Variants in SLC17A6 observed in about 807,000 individuals in gnomAD.
SLC17A6 encodes the protein vesicular glutamate transporter 2.
SLC17A6 carries 35 observed loss-of-function variants against 67.1 expected under a neutral mutation model. That is an observed-to-expected ratio of 0.52 (90% CI 0.40 to 0.69). The LOEUF is 0.69. SLC17A6 is among the 30% of genes least tolerant of loss of function. The probability of loss-of-function intolerance (pLI) is 0.00; values close to 1 mark genes in which losing one functional copy is unlikely to be tolerated. For synonymous variants in SLC17A6, 285 were observed against 252.3 expected (o/e 1.13, Z -1.23); for missense variants, 588 against 723.9 (o/e 0.81, Z 2.15).
chr11:22,354,120 G>T (rs1323011692), intron 3 of SLC17A6, among the ~76,000 whole-genome samples: 1 of 150,642 alleles, frequency 6.6e-6, no homozygotes, highest in Non-Finnish European at 1.5e-5. Flanking sequence ...TTTTGCTCTT[G>T]TTGCCCAGGC....
At chr11:22,355,696 G>A (rs905619207) in intron 3 of SLC17A6, among the ~76,000 whole-genome samples, 1 of 152,104 alleles carries the variant, frequency 6.6e-6, no homozygotes, top group African/African-American at 2.4e-5. Flanking sequence ...CTTCTCCTAA[G>A]AACCTGAGCC....
intron 1 of SLC17A6, among the ~76,000 whole-genome samples, chr11:22,339,545 T>C (rs905060153): frequency 9.2e-5 from 14 of 152,192 alleles, no homozygotes; most frequent in African/African-American, 3.4e-4. Flanking sequence ...TTTAAATCAT[T>C]TCAAGTATGT....
At chr11:22,344,857 T>C (rs1231767104) in intron 3 of SLC17A6, among the ~76,000 whole-genome samples, 2 of 152,208 alleles carry the variant, frequency 1.3e-5, no homozygotes, top group African/African-American at 4.8e-5. Flanking sequence ...TTTTGGTTTT[T>C]AGATCCCCAA....
At chr11:22,362,251 A>T (rs1359320644) in intron 5 of SLC17A6, 3 of 474,722 alleles carry the variant, frequency 6.3e-6, no homozygotes, top group Non-Finnish European at 8.2e-6. Flanking sequence ...TTGAGAACTG[A>T]AGCAATATGC....
chr11:22,340,334 T>C (rs1389951853), intron 1 of SLC17A6, among the ~76,000 whole-genome samples: 2 of 152,258 alleles, frequency 1.3e-5, no homozygotes, highest in East Asian at 3.8e-4. Context: ...ACCTTATACA[T>C]TCCTTTTGTT....
At chr11:22,344,026 A>G (rs1405792684) in intron 3 of SLC17A6, among the ~76,000 whole-genome samples, 1 of 152,056 alleles carries the variant, frequency 6.6e-6, no homozygotes, top group African/African-American at 2.4e-5. Flanking sequence ...ACCTGGAGAG[A>G]CACCCCTAAA....
At position 22,379,217 on chromosome 11, in the gene SLC17A6, A is replaced by T. The variant is rs1320037155; in HGVS notation, c.*1477A>T. The T allele has an allele frequency of 6.6e-6, 1 of 152,556 alleles. No homozygotes were observed. Among genetic ancestry groups the T allele is most frequent in the East Asian group, 1.9e-4 (1 of 5,192 alleles). The allele number at this position is 152,556 out of a possible 1,614,324, so 9.5% of individuals were successfully genotyped here. On this transcript the variant is annotated 3_prime_UTR_variant, in exon 12 of 12. Transcript: ENST00000263160. The stretch of plus-strand genomic sequence containing the variant: ...TTATGATAATACATTTCCCAATTCA[A>T]CTCAAAATATTATTGGTGTATTTTG...
intron 11 of SLC17A6, 26 bp downstream of exon 11, chr11:22,376,698 G>C (rs1469919696): frequency 4.3e-6 from 7 of 1,611,570 alleles, no homozygotes; most frequent in Non-Finnish European, 5.1e-6. Context: ...CAGATGTTTA[G>C]TCATAGAAGA....
chr11:22,348,442 C>T (rs1395939508), intron 3 of SLC17A6, among the ~76,000 whole-genome samples: 11 of 152,176 alleles, frequency 7.2e-5, no homozygotes, highest in Non-Finnish European at 1.6e-4. Context: ...GACAACATAG[C>T]TGATTCTGCC....
intron 5 of SLC17A6, chr11:22,361,200 G>T (rs1856048338): frequency 4.4e-6 from 2 of 456,666 alleles, no homozygotes; most frequent in Non-Finnish European, 7.8e-6. Context: ...TCTAGGAATT[G>T]ATCCATTTCA....
At position 22,378,576 on chromosome 11, in the gene SLC17A6, T is replaced by C. The variant is rs1207067013; in HGVS notation, c.*836T>C. On this transcript the variant is annotated 3_prime_UTR_variant, in exon 12 of 12. Transcript: ENST00000263160. The stretch of plus-strand genomic sequence containing the variant: ...TTGCATTAGAAAAAAAAGAGATATA[T>C]ACACCACAAAGAATCTAATAAGAAA... 6.6e-6 allele frequency: 1 copy of C among 152,458 alleles called. No homozygotes were observed. Among genetic ancestry groups the C allele is most frequent in the Admixed American group, 6.6e-5 (1 of 15,244 alleles). 9.4% of individuals were successfully genotyped at this position (152,458 alleles called of 1,614,324 possible).
Position 22,379,289 on chromosome 11 carries a change from G to T in SLC17A6, c.*1549G>T, listed in dbSNP as rs376755738. ...GTTCAATGTACTGTGCTAGTGACTG[G>T]AGGCCCTGCTACTGCAAATATAAAA... On this transcript the variant is annotated 3_prime_UTR_variant, in exon 12 of 12. Transcript: ENST00000263160. The T allele has an allele frequency of 2.5e-4, 38 of 152,196 alleles. No individual in the cohort carries two copies. In the East Asian group the frequency reaches 7.0e-3, roughly 28 times the overall value. 9.4% of individuals were successfully genotyped at this position (152,196 alleles called of 1,614,324 possible).
intron 9 of SLC17A6, 104 bp from the exon 10 acceptor site, chr11:22,375,878 A>G: frequency 1.5e-6 from 1 of 650,370 alleles, no homozygotes; most frequent in Non-Finnish European, 2.7e-6. Flanking sequence ...AGACTCTCTG[A>G]AGTGGAATTT....
chr11:22,341,474 A>G (rs1052301853), intron 1 of SLC17A6, 54 bp from the exon 2 acceptor site: 7 of 1,591,042 alleles, frequency 4.4e-6, no homozygotes, highest in South Asian at 1.1e-5. Context: ...ATGGGTCAGC[A>G]TCGGGGGTAC....
rs375596865 is a variant in SLC17A6, at chr11:22,377,585, A to G, written c.1594A>G (p.Thr532Ala). The G allele has an allele frequency of 2.5e-6, 4 of 1,614,178 alleles. No individual in the cohort carries two copies. The highest frequency in any genetic ancestry group is 4.5e-5 in the East Asian group (2 of 44,878). ...DELDEETGDI[T>A]QNYINYGTTK... is the part of the protein sequence containing the mutation. ...ACTCGATGAAGAAACAGGGGACATT[A>G]CTCAAAATTATATAAATTATGGTAC... Residue 532 changes from threonine to alanine, a missense_variant, in exon 12 of 12, where the codon ACT (threonine) becomes GCT (alanine). Around this residue, in one of 4 missense-constraint regions of SLC17A6, gnomAD observed 414 missense variants for 563.4 expected, o/e 0.73. Transcript: ENST00000263160.
intron 3 of SLC17A6, among the ~76,000 whole-genome samples, chr11:22,345,625 ATG>A (rs1855867889): frequency 6.6e-6 from 1 of 152,234 alleles, no homozygotes; most frequent in African/African-American, 2.4e-5. Context: ...TAAATTAAAA[ATG>A]TATTGTAAAA....
At chr11:22,360,841 T>C in intron 4 of SLC17A6, 56 bp from the exon 5 acceptor site, 1 of 1,502,762 alleles carries the variant, frequency 6.7e-7, no homozygotes, top group Non-Finnish European at 9.3e-7. Flanking sequence ...TACAGGATAC[T>C]AAAAAGACTC....
At chr11:22,349,840 C>T (rs567249573) in intron 3 of SLC17A6, among the ~76,000 whole-genome samples, 147 of 152,290 alleles carry the variant, frequency 9.7e-4, no homozygotes, top group South Asian at 2.7e-3. Flanking sequence ...CATCCAAGCC[C>T]TGATTTGATT....
chr11:22,348,676 C>A (rs1855904891), intron 3 of SLC17A6, among the ~76,000 whole-genome samples: 1 of 152,078 alleles, frequency 6.6e-6, no homozygotes, highest in Non-Finnish European at 1.5e-5. Flanking sequence ...TTGACTGATG[C>A]AACTCAATTT....
Sources: allele counts gnomAD v4.1 joint callset (sites outside exome capture counted in the v4.1 genomes callset), GRCh38; gene constraint gnomAD v4.1.1; regional missense constraint gnomAD v4.1.1; transcripts MANE v1.5; gene names NCBI Gene and HGNC (gene_info 2026-07-23, HGNC 2026-07-21).